KIAA1217: variants seen among roughly 807,000 people sequenced by gnomAD.
The protein encoded by KIAA1217 is KIAA1217, also known as sickle tail protein homolog.
Under a neutral mutation model 163.9 loss-of-function variants are expected in KIAA1217, and 88 were observed. The ratio of observed to expected loss-of-function variants is 0.54; its 90% confidence interval spans 0.45 to 0.64. KIAA1217 has a LOEUF of 0.64. Among genes scored for constraint, KIAA1217 ranks in the 30% least tolerant of loss-of-function variants. The probability of loss-of-function intolerance (pLI) is 0.00; values close to 1 mark genes in which losing one functional copy is unlikely to be tolerated. For synonymous variants in KIAA1217, 903 were observed against 923.1 expected, an observed-to-expected ratio of 0.98 and a Z score of 0.39; for missense variants, 2,372 against 2,475.0, an observed-to-expected ratio of 0.96 and a Z score of 0.88.
intron 1 of KIAA1217, among the ~76,000 whole-genome samples, chr10:23,806,355 A>G (rs959456840): frequency 6.6e-6 from 1 of 152,254 alleles, no homozygotes. Context: ...AACAAATGAT[A>G]AAATGTGAAT....
intron 1 of KIAA1217, among the ~76,000 whole-genome samples, chr10:23,842,307 A>G (rs1452974459): frequency 6.6e-6 from 1 of 152,222 alleles, no homozygotes; most frequent in Non-Finnish European, 1.5e-5. Flanking sequence ...CAGTTCAAGA[A>G]GATCACCAGA....
chr10:24,078,812 C>A (rs2061449194), intron 2 of KIAA1217, among the ~76,000 whole-genome samples: 1 of 152,156 alleles, frequency 6.6e-6, no homozygotes, highest in Non-Finnish European at 1.5e-5. Context: ...GAATCCAGGC[C>A]TTCTGTGGCC....
chr10:24,189,208 G>A (rs952041764), intron 2 of KIAA1217, among the ~76,000 whole-genome samples: 1 of 151,966 alleles, frequency 6.6e-6, no homozygotes, highest in Non-Finnish European at 1.5e-5. Flanking sequence ...AGGAATACAT[G>A]ATCCTACCAT....
intron 1 of KIAA1217, among the ~76,000 whole-genome samples, chr10:23,728,210 T>C (rs1238258763): frequency 6.6e-6 from 1 of 152,210 alleles, no homozygotes; most frequent in Non-Finnish European, 1.5e-5. Flanking sequence ...AAATGGTATT[T>C]TTCGTTCTAG....
At chr10:24,375,408 G>A (rs761281085) in intron 2 of KIAA1217, among the ~76,000 whole-genome samples, 2 of 152,216 alleles carry the variant, frequency 1.3e-5, no homozygotes, top group Non-Finnish European at 2.9e-5. Context: ...CTTCCAAAGT[G>A]AGAGTTTATT....
At chr10:24,359,544 A>G (rs1222988456) in intron 2 of KIAA1217, among the ~76,000 whole-genome samples, 1 of 152,252 alleles carries the variant, frequency 6.6e-6, no homozygotes, top group Non-Finnish European at 1.5e-5. Context: ...TGAATGAAGA[A>G]AGTGTACATG....
chr10:24,223,806 G>A (rs948422939), intron 2 of KIAA1217, among the ~76,000 whole-genome samples: 29 of 145,030 alleles, frequency 2.0e-4, no homozygotes, highest in Admixed American at 5.1e-4. Flanking sequence ...CTCAACCTCC[G>A]CGGCTCAAGC....
intron 2 of KIAA1217, among the ~76,000 whole-genome samples, chr10:24,098,906 A>G (rs1469644233): frequency 6.6e-6 from 1 of 152,062 alleles, no homozygotes; most frequent in East Asian, 1.9e-4. Flanking sequence ...ATCGCTTGAG[A>G]CCAGGAGTTC....
intron 3 of KIAA1217, among the ~76,000 whole-genome samples, chr10:24,397,557 T>C (rs1041986588): frequency 2.6e-5 from 4 of 152,082 alleles, no homozygotes; most frequent in Admixed American, 2.6e-4. Context: ...CACTACAATG[T>C]ACGAAAAAGT....
intron 2 of KIAA1217, among the ~76,000 whole-genome samples, chr10:24,193,428 A>C (rs1478856970): frequency 6.6e-6 from 1 of 152,168 alleles, no homozygotes; most frequent in East Asian, 1.9e-4. Flanking sequence ...CCCTGATCCA[A>C]ATGTAGCCCT....
rs897175688 is a variant in KIAA1217, at chr10:23,879,027, G to A, written c.-320-128198G>A. ...TTTGAAGTATTTATTAGACATCCACGTGTAGAAATCAAATGGGCAGTTGGA... is the reference window on the plus strand; with the variant it reads ...TTTGAAGTATTTATTAGACATCCACATGTAGAAATCAAATGGGCAGTTGGA... On this transcript the variant is annotated intron_variant, in intron 1 of 18. Transcript: ENST00000376462. Among the ~76,000 whole-genome samples, 10 of 152,038 alleles carry A rather than the reference G, an allele frequency of 6.6e-5. No individual in the cohort carries two copies. In the South Asian group the frequency reaches 8.3e-4, roughly 13 times the overall value.
intron 5 of KIAA1217, among the ~76,000 whole-genome samples, chr10:24,441,741 G>T (rs1268968158): frequency 6.6e-6 from 1 of 152,120 alleles, no homozygotes; most frequent in Non-Finnish European, 1.5e-5. Context: ...TGATAATTCA[G>T]TTCCCAAGGG....
At chr10:24,253,966 CA>C (rs910748919) in intron 2 of KIAA1217, among the ~76,000 whole-genome samples, 49 of 151,430 alleles carry the variant, frequency 3.2e-4, no homozygotes, top group African/African-American at 1.1e-3. Context: ...CTCTTGATCA[CA>C]AAAAAAAGGA....
At chr10:24,090,332 CTTTTTTTT>C (rs35966270) in intron 2 of KIAA1217, among the ~76,000 whole-genome samples, 1 of 58,944 alleles carries the variant, frequency 1.7e-5, no homozygotes, top group East Asian at 4.4e-4. Flanking sequence ...ACATCCTGCT[CTTTTTTTT>C]TTTTTTTTTT....
intron 1 of KIAA1217, among the ~76,000 whole-genome samples, chr10:23,931,861 G>A (rs1446309300): frequency 6.6e-6 from 1 of 152,204 alleles, no homozygotes; most frequent in Non-Finnish European, 1.5e-5. Flanking sequence ...TGTTTGCAAA[G>A]GCTTGGACAG....
chr10:24,459,505 C>CATCA (rs1447719530), intron 5 of KIAA1217, among the ~76,000 whole-genome samples: 1 of 152,200 alleles, frequency 6.6e-6, no homozygotes, highest in Non-Finnish European at 1.5e-5. Context: ...CCTTTTCCCT[C>CATCA]ATCAGCCTTA....
chr10:23,762,263 AT>A (rs1396995168), intron 1 of KIAA1217, among the ~76,000 whole-genome samples: 4 of 152,056 alleles, frequency 2.6e-5, no homozygotes, highest in Admixed American at 6.6e-5. Context: ...TCCCTAATTC[AT>A]TTTATGAAGC....
chr10:23,951,792 A>T (rs1844348305), intron 1 of KIAA1217, among the ~76,000 whole-genome samples: 1 of 152,188 alleles, frequency 6.6e-6, no homozygotes, highest in East Asian at 1.9e-4. Context: ...AGCATTTTCC[A>T]AATGGAAAAT....
At chr10:23,852,714 T>C (rs61849185) in intron 1 of KIAA1217, among the ~76,000 whole-genome samples, 3 of 152,180 alleles carry the variant, frequency 2.0e-5, no homozygotes, top group Non-Finnish European at 4.4e-5. Flanking sequence ...GTAGTTCTCC[T>C]TGAAGAGGTC....
Sources: allele counts gnomAD v4.1 joint callset (sites outside exome capture counted in the v4.1 genomes callset), GRCh38; gene constraint gnomAD v4.1.1; transcripts MANE v1.5; gene names NCBI Gene and HGNC (gene_info 2026-07-23, HGNC 2026-07-21).